Variants in SLC30A8 observed in about 807,000 individuals in gnomAD.
The protein encoded by SLC30A8 is solute carrier family 30 member 8.
SLC30A8 carries 27 observed loss-of-function variants against 36.9 expected under a neutral mutation model. The observed-to-expected ratio is 0.73, with a 90% confidence interval of 0.54 to 1.01. The LOEUF (loss-of-function observed/expected upper bound fraction) is 1.01, where lower values mean the gene tolerates loss of function less well. Ranked by LOEUF, SLC30A8 falls within the 50% of genes least tolerant of loss-of-function variation. The pLI is 0.00. For synonymous variants in SLC30A8, 164 were observed against 172.4 expected, an observed-to-expected ratio of 0.95 and a Z score of 0.38; for missense variants, 439 against 452.0, an observed-to-expected ratio of 0.97 and a Z score of 0.26.
At chr8:116,994,261 C>T (rs1815741793) in intron 1 of SLC30A8, among the ~76,000 whole-genome samples, 2 of 152,194 alleles carry the variant, frequency 1.3e-5, no homozygotes, top group East Asian at 1.9e-4. Flanking sequence ...GCTACTGAAT[C>T]TGAATATATG....
chr8:116,950,832 A>G (rs1003830501), upstream of SLC30A8: 2 of 152,222 alleles, frequency 1.3e-5, no homozygotes, highest in African/African-American at 4.8e-5. Flanking sequence ...ACAGTTTACC[A>G]GGTACCTTAC....
At chr8:117,084,649 G>A (rs888951492) in intron 2 of SLC30A8, among the ~76,000 whole-genome samples, 2 of 151,924 alleles carry the variant, frequency 1.3e-5, no homozygotes, top group Non-Finnish European at 1.5e-5. Context: ...ATAAACCCCC[G>A]GACTTTTGTG....
chr8:117,165,644 C>T (rs1823019067), intron 6 of SLC30A8, among the ~76,000 whole-genome samples: 1 of 152,046 alleles, frequency 6.6e-6, no homozygotes, highest in South Asian at 2.1e-4. Flanking sequence ...TGGGGCTAGT[C>T]CCCCCGGTAA....
intron 1 of SLC30A8, among the ~76,000 whole-genome samples, chr8:117,011,791 T>G (rs991245570): frequency 2.0e-5 from 3 of 152,176 alleles, no homozygotes; most frequent in Non-Finnish European, 4.4e-5. Flanking sequence ...GCAAATAACT[T>G]TTAACTACTC....
At chr8:117,007,357 T>C (rs1050343723) in intron 1 of SLC30A8, among the ~76,000 whole-genome samples, 1 of 152,230 alleles carries the variant, frequency 6.6e-6, no homozygotes, top group Non-Finnish European at 1.5e-5. Flanking sequence ...TTCATAAAAA[T>C]TAAAATCTCT....
intron 2 of SLC30A8, among the ~76,000 whole-genome samples, chr8:117,091,817 A>T (rs1047201268): frequency 6.6e-5 from 10 of 152,222 alleles, no homozygotes; most frequent in African/African-American, 2.4e-4. Flanking sequence ...ATGTGAAAAC[A>T]GTTCAGTTGA....
intron 1 of SLC30A8, among the ~76,000 whole-genome samples, chr8:116,981,675 T>G (rs1815268056): frequency 6.6e-6 from 1 of 152,150 alleles, no homozygotes; most frequent in South Asian, 2.1e-4. Flanking sequence ...GTATTTGACT[T>G]TCTGTTTCTA....
intron 1 of SLC30A8, among the ~76,000 whole-genome samples, chr8:117,004,416 G>T (rs758854222): frequency 6.6e-6 from 1 of 152,198 alleles, no homozygotes; most frequent in Non-Finnish European, 1.5e-5. Flanking sequence ...ACTAAGCTGA[G>T]CATATAGATG....
chr8:117,043,353 C>T (rs2130760194), intron 2 of SLC30A8, among the ~76,000 whole-genome samples: 1 of 152,250 alleles, frequency 6.6e-6, no homozygotes, highest in East Asian at 1.9e-4. Flanking sequence ...GGAGAAGCTT[C>T]CGGCAGAAAG....
intron 2 of SLC30A8, among the ~76,000 whole-genome samples, chr8:117,114,507 T>C (rs1048056869): frequency 6.6e-6 from 1 of 152,076 alleles, no homozygotes; most frequent in Non-Finnish European, 1.5e-5. Flanking sequence ...CCAGAGTGAA[T>C]TCCCCACTCA....
At chr8:117,059,069 T>C (rs1228209764) in intron 2 of SLC30A8, among the ~76,000 whole-genome samples, 1 of 151,554 alleles carries the variant, frequency 6.6e-6, no homozygotes, top group African/African-American at 2.4e-5. Flanking sequence ...GGAATTATTG[T>C]TATTGTTATT....
At chr8:117,119,938 G>A (rs761780405) in intron 2 of SLC30A8, among the ~76,000 whole-genome samples, 13 of 151,924 alleles carry the variant, frequency 8.6e-5, no homozygotes, top group South Asian at 6.2e-4. Context: ...AAAGACTTAT[G>A]TGCTGAAAAC....
chr8:117,111,512 A>G (rs1820225004), intron 2 of SLC30A8, among the ~76,000 whole-genome samples: 1 of 152,134 alleles, frequency 6.6e-6, no homozygotes, highest in African/African-American at 2.4e-5. Context: ...TTTCCAGACC[A>G]TGACAGAGTA....
chr8:117,099,300 C>T (rs1819608581), intron 2 of SLC30A8, among the ~76,000 whole-genome samples: 1 of 152,108 alleles, frequency 6.6e-6, no homozygotes, highest in African/African-American at 2.4e-5. Flanking sequence ...GAATGGCTGG[C>T]TTCTCATTGT....
chr8:117,069,586 A>G (rs1015944933), intron 2 of SLC30A8, among the ~76,000 whole-genome samples: 3 of 152,232 alleles, frequency 2.0e-5, no homozygotes, highest in Admixed American at 6.5e-5. Context: ...TGGATAATAC[A>G]TGTCTAAGTA....
At chr8:117,091,164 A>G (rs925012796) in intron 2 of SLC30A8, among the ~76,000 whole-genome samples, 1 of 152,248 alleles carries the variant, frequency 6.6e-6, no homozygotes, top group South Asian at 2.1e-4. Context: ...ATCTCTTGCT[A>G]GCTCTTCATG....
At position 117,139,860 on chromosome 8, in the gene SLC30A8, A is replaced by T. The variant is rs1364287547; in HGVS notation, c.71+4462A>T. ...CAGGGAAAGTCAGACAACATCTGGT[A>T]AAAAAAAAAAAAAAAAAAGTAGAAA... On this transcript the variant is annotated intron_variant, in intron 1 of 7. Transcript: ENST00000456015. 3.8e-5 allele frequency among the ~76,000 whole-genome samples: 4 copies of T among 105,894 alleles called. No homozygotes were observed. In the East Asian group the frequency reaches 9.7e-4, roughly 26 times the overall value. The allele number at this position is 105,894 out of a possible 152,430, so 69.5% of individuals were successfully genotyped here. A position where few individuals can be genotyped will look rare whatever the true frequency, so the allele number is the denominator to read the frequency against.
At chr8:116,972,115 C>T (rs938000362) in intron 1 of SLC30A8, among the ~76,000 whole-genome samples, 4 of 152,134 alleles carry the variant, frequency 2.6e-5, no homozygotes, top group Non-Finnish European at 5.9e-5. Flanking sequence ...TATGTAATAC[C>T]TTTGTTCAAA....
chr8:117,097,684 AT>A (rs1445981726), intron 2 of SLC30A8, among the ~76,000 whole-genome samples: 2 of 28,876 alleles, frequency 6.9e-5, no homozygotes, highest in Non-Finnish European at 8.8e-5. Context: ...AATAATATAT[AT>A]TATATATAAT....
Sources: gnomAD v4.1 joint callset for allele counts (sites outside exome capture counted in the v4.1 genomes callset) on GRCh38, gnomAD v4.1.1 for gene constraint, MANE v1.5 for transcripts, NCBI Gene and HGNC (gene_info 2026-07-23, HGNC 2026-07-21) for gene names.